CSMD1: variants seen among roughly 807,000 people sequenced by gnomAD.
CSMD1 encodes CUB and sushi domain-containing protein 1.
CSMD1 carries 213 observed loss-of-function variants against 417.5 expected under a neutral mutation model. That is an observed-to-expected ratio of 0.51 (90% CI 0.46 to 0.57). The LOEUF is 0.57. Among genes scored for constraint, CSMD1 ranks in the 20% least tolerant of loss-of-function variants. The pLI, the probability that CSMD1 is intolerant of heterozygous loss-of-function variation, is 0.00. For synonymous variants in CSMD1, 2,862 were observed against 1,736.8 expected, an observed-to-expected ratio of 1.65 and a Z score of -16.11; for missense variants, 6,923 against 4,529.7, an observed-to-expected ratio of 1.53 and a Z score of -15.17.
chr8:4,798,777 T>G (rs1367485895), intron 1 of CSMD1, among the ~76,000 whole-genome samples: 1 of 152,188 alleles, frequency 6.6e-6, no homozygotes, highest in Non-Finnish European at 1.5e-5. Context: ...ACCTCATTAG[T>G]AGAACTTCAA....
chr8:4,051,490 G>A (rs563273671), intron 3 of CSMD1, among the ~76,000 whole-genome samples: 2 of 152,236 alleles, frequency 1.3e-5, no homozygotes, highest in African/African-American at 4.8e-5. Context: ...CACCATTGTT[G>A]TTATTCTGTA....
chr8:4,610,848 C>T (rs551707493), intron 2 of CSMD1, among the ~76,000 whole-genome samples: 14 of 152,126 alleles, frequency 9.2e-5, no homozygotes, highest in South Asian at 8.3e-4. Context: ...GCATGTGTGG[C>T]GAAAACCTTA....
chr8:4,862,140 G>A (rs897068678), intron 1 of CSMD1, among the ~76,000 whole-genome samples: 4 of 152,016 alleles, frequency 2.6e-5, no homozygotes, highest in Admixed American at 2.6e-4. Context: ...GGGACAAGGA[G>A]GCATCAGGGA....
chr8:4,575,959 G>C (rs186192520), intron 2 of CSMD1, among the ~76,000 whole-genome samples: 1 of 152,102 alleles, frequency 6.6e-6, no homozygotes, highest in African/African-American at 2.4e-5. Context: ...AATCAAACTC[G>C]TAAATCCACC....
intron 2 of CSMD1, among the ~76,000 whole-genome samples, chr8:4,636,666 A>G (rs1047631742): frequency 6.6e-6 from 1 of 152,254 alleles, no homozygotes; most frequent in East Asian, 1.9e-4. Flanking sequence ...CTTGAACAAT[A>G]TATCTATAAA....
At chr8:3,286,841 G>A (rs540612530) in intron 25 of CSMD1, among the ~76,000 whole-genome samples, 3 of 152,202 alleles carry the variant, frequency 2.0e-5, no homozygotes, top group Middle Eastern at 3.4e-3. Context: ...GATCCCATTT[G>A]TCAATTTTGG....
At chr8:4,696,194 A>G (rs1807119397) in intron 1 of CSMD1, among the ~76,000 whole-genome samples, 1 of 152,248 alleles carries the variant, frequency 6.6e-6, no homozygotes, top group Non-Finnish European at 1.5e-5. Flanking sequence ...ACATGTATGC[A>G]TATAGGATAT....
chr8:3,994,459 A>C (rs533727419), intron 5 of CSMD1, among the ~76,000 whole-genome samples: 2 of 150,024 alleles, frequency 1.3e-5, no homozygotes, highest in South Asian at 2.1e-4. Flanking sequence ...AAAAAAAAAA[A>C]AAAAAAAGAA....
chr8:3,340,430 T>C (rs1018725945), intron 23 of CSMD1, among the ~76,000 whole-genome samples: 1 of 152,210 alleles, frequency 6.6e-6, no homozygotes, highest in Admixed American at 6.5e-5. Context: ...TGTTGACATT[T>C]TCTAATCTAC....
chr8:2,984,692 G>T (rs13439485), intron 54 of CSMD1, among the ~76,000 whole-genome samples: 3,273 of 152,314 alleles, frequency 0.021, 127 homozygotes, highest in African/African-American at 0.076. Context: ...CAGCGAAGAT[G>T]AGCAAATAGA....
chr8:3,421,775 C>G lies in CSMD1; in HGVS notation c.1562-12170G>C, dbSNP rs530476296. 3.3e-5 allele frequency among the ~76,000 whole-genome samples: 5 copies of G among 152,314 alleles called. No homozygotes were observed. The South Asian group carries it at 1.0e-3, about 32-fold the overall frequency. ...GTCTCAGCCTCCAGAGTAGCTGGGA[C>G]TGCAGGTGCATGACACCATGCCCAG... is the stretch of plus-strand genomic sequence containing the variant. On this transcript the variant is annotated intron_variant, in intron 12 of 69. Coordinates refer to ENST00000635120, the MANE Select transcript of CSMD1 (RefSeq NM_033225.6).
chr8:3,162,240 G>A lies in CSMD1; in HGVS notation c.5763C>T (p.Pro1921=), dbSNP rs771369871. Residue 1921 remains proline (P), a synonymous_variant, in exon 38 of 70, where the codon CCC becomes CCT. Transcript: ENST00000635120. ...GLAACQEPAL[P]SNSIKIGDRY... ...GATCTCCGATTTTGATGCTGTTGCTGGGGAGGGCTGGTTCTTGGCATGCAG... is the reference window on the plus strand; with the variant it reads ...GATCTCCGATTTTGATGCTGTTGCTAGGGAGGGCTGGTTCTTGGCATGCAG... 1.2e-6 allele frequency: 2 copies of A among 1,610,758 alleles called. No homozygotes were observed. The highest frequency in any genetic ancestry group is 2.2e-5 in the East Asian group (1 of 44,842).
intron 2 of CSMD1, among the ~76,000 whole-genome samples, chr8:4,424,962 T>G (rs1410148909): frequency 6.6e-6 from 1 of 151,982 alleles, no homozygotes; most frequent in Non-Finnish European, 1.5e-5. Context: ...AAGAACATAT[T>G]AAGATTAAAA....
chr8:4,870,464 G>A (rs1802673642), intron 1 of CSMD1, among the ~76,000 whole-genome samples: 1 of 152,122 alleles, frequency 6.6e-6, no homozygotes, highest in East Asian at 1.9e-4. Flanking sequence ...AATGTATAGA[G>A]CCAGTCTTTC....
chr8:4,364,935 A>T (rs1801979938), intron 3 of CSMD1, among the ~76,000 whole-genome samples: 1 of 151,568 alleles, frequency 6.6e-6, no homozygotes, highest in East Asian at 1.9e-4. Flanking sequence ...CCTAAATCAA[A>T]GCACCCGACA....
intron 4 of CSMD1, among the ~76,000 whole-genome samples, chr8:4,017,840 C>G (rs1006119763): frequency 6.6e-6 from 1 of 152,064 alleles, no homozygotes; most frequent in African/African-American, 2.4e-5. Flanking sequence ...GTTTGGGTGA[C>G]TGTATATCTG....
At chr8:3,246,060 C>T (rs1288004574) in intron 26 of CSMD1, among the ~76,000 whole-genome samples, 1 of 152,106 alleles carries the variant, frequency 6.6e-6, no homozygotes, top group African/African-American at 2.4e-5. Flanking sequence ...CTTGTCTACC[C>T]CCAGTGCAAT....
chr8:4,788,692 A>C, intron 1 of CSMD1: 1 of 547,286 alleles, frequency 1.8e-6, no homozygotes, highest in East Asian at 2.8e-5. Context: ...GAGAACACAA[A>C]TAAAATGTAT....
At chr8:4,654,956 AG>A (rs1554434711) in intron 1 of CSMD1, among the ~76,000 whole-genome samples, 2 of 151,914 alleles carry the variant, frequency 1.3e-5, no homozygotes, top group Non-Finnish European at 2.9e-5. Flanking sequence ...CTAAAACAAA[AG>A]TTAGTATTTT....
Sources: allele counts gnomAD v4.1 joint callset (sites outside exome capture counted in the v4.1 genomes callset), GRCh38; gene constraint gnomAD v4.1.1; transcripts MANE v1.5; gene names NCBI Gene and HGNC (gene_info 2026-07-23, HGNC 2026-07-21).